The following STIMATE variants were observed in gnomAD, a reference collection of about 807,000 sequenced individuals.
The protein encoded by STIMATE is STIM activating enhancer, also known as store-operated calcium entry regulator STIMATE.
In STIMATE, 15 loss-of-function variants were observed where a neutral mutation model predicts 36.7. The observed-to-expected ratio is 0.41, with a 90% confidence interval of 0.27 to 0.63. The LOEUF (loss-of-function observed/expected upper bound fraction) is 0.63. Among genes scored for constraint, STIMATE ranks in the 20% least tolerant of loss-of-function variants. The pLI is 0.32. For synonymous variants in STIMATE, 163 were observed against 162.3 expected (o/e 1.00, Z -0.03); for missense variants, 305 against 397.3 (o/e 0.77, Z 1.98).
intron 1 of STIMATE, among the ~76,000 whole-genome samples, chr3:52,863,086 C>G (rs754017143): frequency 2.6e-5 from 4 of 152,222 alleles, no homozygotes; most frequent in Non-Finnish European, 5.9e-5. Context: ...GAAAACATTT[C>G]TGCTGTTTTA....
chr3:52,880,722 A>G (rs1366875651), intron 1 of STIMATE, among the ~76,000 whole-genome samples: 1 of 152,216 alleles, frequency 6.6e-6, no homozygotes, highest in Non-Finnish European at 1.5e-5. Flanking sequence ...AGAAGACCAA[A>G]AATGTGTAGA....
At chr3:52,859,032 C>G (rs187905298) in intron 1 of STIMATE, among the ~76,000 whole-genome samples, 1 of 151,740 alleles carries the variant, frequency 6.6e-6, no homozygotes, top group Non-Finnish European at 1.5e-5. Context: ...TGTGGTGGCG[C>G]GTGCCTGTAA....
At chr3:52,847,694 A>C in intron 4 of STIMATE, 1 of 536,142 alleles carries the variant, frequency 1.9e-6, no homozygotes, top group Non-Finnish European at 3.1e-6. Flanking sequence ...AGTTGCCTAC[A>C]TCCAAATCCC....
chr3:52,851,908 T>C (rs1349532749), intron 3 of STIMATE, among the ~76,000 whole-genome samples: 2 of 152,086 alleles, frequency 1.3e-5, no homozygotes, highest in African/African-American at 4.8e-5. Flanking sequence ...GAACTTACAG[T>C]ATATATAACC....
chr3:52,871,219 G>A (rs547436340), intron 1 of STIMATE, among the ~76,000 whole-genome samples: 1 of 152,246 alleles, frequency 6.6e-6, no homozygotes, highest in Non-Finnish European at 1.5e-5. Flanking sequence ...TCTGAAGGGG[G>A]ACCTTTTTAA....
intron 4 of STIMATE, among the ~76,000 whole-genome samples, chr3:52,849,257 C>T (rs1700957957): frequency 6.6e-6 from 1 of 152,222 alleles, no homozygotes; most frequent in South Asian, 2.1e-4. Flanking sequence ...TAACTCTGTC[C>T]TGAAACCTCA....
intron 4 of STIMATE, chr3:52,847,461 G>A: frequency 1.6e-6 from 2 of 1,289,326 alleles, no homozygotes; most frequent in East Asian, 5.6e-5. Flanking sequence ...CAGACACCAT[G>A]CGTCACCTGG....
chr3:52,872,144 T>C (rs1318451101), intron 1 of STIMATE, among the ~76,000 whole-genome samples: 1 of 152,152 alleles, frequency 6.6e-6, no homozygotes, highest in Non-Finnish European at 1.5e-5. Flanking sequence ...CTCATTTCCC[T>C]GCTTGGTTTT....
At position 52,843,084 on chromosome 3, in the gene STIMATE, A is replaced by C. The variant is rs562331232; in HGVS notation, c.619-124T>G. 99 of 1,470,696 alleles carry C rather than the reference A, an allele frequency of 6.7e-5. 1 individual carries two copies. The African/African-American group carries it at 1.3e-3, about 19-fold the overall frequency. 91.1% of individuals were successfully genotyped at this position (1,470,696 alleles called of 1,614,324 possible). ...TCCAGAGCTATGGAAAGAAAAACCC[A>C]ATCCAATCACCCTGCTCTCTCCCAA... is the stretch of plus-strand genomic sequence containing the variant. On this transcript the variant is annotated intron_variant, in intron 6 of 7. Transcript: ENST00000355083.
At chr3:52,865,761 A>G (rs1183619608) in intron 1 of STIMATE, among the ~76,000 whole-genome samples, 1 of 152,160 alleles carries the variant, frequency 6.6e-6, no homozygotes, top group Non-Finnish European at 1.5e-5. Context: ...TATTCAGTGA[A>G]AAGTCTCCCT....
intron 1 of STIMATE, among the ~76,000 whole-genome samples, chr3:52,867,131 A>G (rs1701325886): frequency 6.6e-6 from 1 of 152,216 alleles, no homozygotes. Context: ...CTGAGGATAC[A>G]GAACAGGAAG....
At position 52,897,319 on chromosome 3, in the gene STIMATE, G is replaced by A. The variant is rs767393671; in HGVS notation, c.132C>T (p.Leu44=). Residue 44 remains leucine (L), a synonymous_variant, in exon 1 of 8, where the codon CTC becomes CTT. Coordinates refer to ENST00000355083, the MANE Select transcript of STIMATE (RefSeq NM_198563.5). ...TTAACGTGCTGAAGGCCACGACGCC[G>A]AGCAGCCCCTGCAGGAAGATGCCGA... The part of the protein sequence containing the change: ...HSFGIFLQGL[L]GVVAFSTLML... 7.1e-6 allele frequency: 11 copies of A among 1,553,958 alleles called. No individual in the cohort carries two copies. The highest frequency in any genetic ancestry group is 6.8e-5 in the African/African-American group (5 of 73,432).
At chr3:52,886,479 T>G (rs1701687904) in intron 1 of STIMATE, among the ~76,000 whole-genome samples, 1 of 152,142 alleles carries the variant, frequency 6.6e-6, no homozygotes, top group Non-Finnish European at 1.5e-5. Flanking sequence ...ATAGGGATAA[T>G]ATGAAAAGTA....
intron 7 of STIMATE, among the ~76,000 whole-genome samples, chr3:52,842,148 G>A (rs1443375467): frequency 1.3e-5 from 2 of 152,222 alleles, no homozygotes; most frequent in Non-Finnish European, 2.9e-5. Context: ...GAAGACGTTT[G>A]TCTCAGCTTT....
In STIMATE at chr3:52,897,157, C is replaced by A. The variant is rs1701878354; in HGVS notation, c.160+134G>T. ...TCGGGCTACCCCTAGTGCAGGAATA[C>A]CCAGCCTGGGTTTGCGGGGGAGGAG... is the stretch of plus-strand genomic sequence containing the variant. On this transcript the variant is annotated intron_variant, in intron 1 of 7. Transcript: ENST00000355083. 13 of 1,235,420 alleles carry A rather than the reference C, an allele frequency of 1.1e-5. No homozygotes were observed. In the South Asian group the frequency reaches 1.7e-4, roughly 16 times the overall value. The allele number at this position is 1,235,420 out of a possible 1,614,324, so 76.5% of individuals were successfully genotyped here.
At chr3:52,895,888 A>G (rs1339870023) in intron 1 of STIMATE, 1 of 1,289,312 alleles carries the variant, frequency 7.8e-7, no homozygotes, top group Non-Finnish European at 1.0e-6. Flanking sequence ...CATGTCTTGA[A>G]AACACACACG....
chr3:52,892,747 G>C (rs888211804), intron 1 of STIMATE, among the ~76,000 whole-genome samples: 5 of 152,212 alleles, frequency 3.3e-5, no homozygotes, highest in Non-Finnish European at 7.3e-5. Flanking sequence ...TTACGAGGGA[G>C]AGACTGAGAG....
intron 4 of STIMATE, chr3:52,847,259 G>C: frequency 1.7e-6 from 2 of 1,168,670 alleles, no homozygotes; most frequent in Non-Finnish European, 2.1e-6. Context: ...AGGCATGTGG[G>C]TGTTTTGTTT....
chr3:52,842,751 A>T, intron 7 of STIMATE, 60 bp downstream of exon 7: 1 of 1,607,704 alleles, frequency 6.2e-7, no homozygotes, highest in African/African-American at 1.3e-5. Flanking sequence ...ATGAGACCAG[A>T]GACCCCCTTG....
Sources: gnomAD v4.1 joint callset for allele counts (sites outside exome capture counted in the v4.1 genomes callset) on GRCh38, gnomAD v4.1.1 for gene constraint, MANE v1.5 for transcripts, NCBI Gene and HGNC (gene_info 2026-07-23, HGNC 2026-07-21) for gene names.